Variants in HIBADH observed in about 807,000 individuals in gnomAD.
The protein encoded by HIBADH is 3-hydroxyisobutyrate dehydrogenase, mitochondrial.
In HIBADH, 25 loss-of-function variants were observed where a neutral mutation model predicts 36.1. That is an observed-to-expected ratio of 0.69 (90% CI 0.50 to 0.97). HIBADH has a LOEUF of 0.97. Among genes scored for constraint, HIBADH ranks in the 50% least tolerant of loss-of-function variants. The pLI is 0.00. For missense variants in HIBADH, 421 were observed against 418.0 expected, an observed-to-expected ratio of 1.01 and a Z score of -0.06; for synonymous variants, 160 against 149.5, an observed-to-expected ratio of 1.07 and a Z score of -0.51.
intron 4 of HIBADH, among the ~76,000 whole-genome samples, chr7:27,599,437 C>T (rs1785086654): frequency 6.6e-6 from 1 of 152,008 alleles, no homozygotes; most frequent in South Asian, 2.1e-4. Context: ...AATCCCAGCA[C>T]TTTGGGAGGC....
At chr7:27,566,071 T>C (rs1296887676) in intron 4 of HIBADH, among the ~76,000 whole-genome samples, 1 of 152,118 alleles carries the variant, frequency 6.6e-6, no homozygotes, top group East Asian at 1.9e-4. Flanking sequence ...AATTTCTTAA[T>C]ATGTTGATCA....
chr7:27,580,550 A>ATT (rs1381403501), intron 4 of HIBADH, among the ~76,000 whole-genome samples: 1 of 152,234 alleles, frequency 6.6e-6, no homozygotes, highest in Non-Finnish European at 1.5e-5. Flanking sequence ...CAATTTGATC[A>ATT]TAAAACACAA....
chr7:27,562,300 T>C (rs1417639711), intron 4 of HIBADH, among the ~76,000 whole-genome samples: 3 of 152,216 alleles, frequency 2.0e-5, no homozygotes, highest in African/African-American at 4.8e-5. Context: ...TCTTGATCTA[T>C]CTTTCATAGA....
chr7:27,626,348 T>A (rs149984102), intron 4 of HIBADH, among the ~76,000 whole-genome samples: 1 of 152,294 alleles, frequency 6.6e-6, no homozygotes, highest in East Asian at 1.9e-4. Flanking sequence ...AAGTGATAAC[T>A]ACACAAATAT....
chr7:27,647,491 T>C (rs1786093712), intron 2 of HIBADH, among the ~76,000 whole-genome samples: 1 of 152,254 alleles, frequency 6.6e-6, no homozygotes, highest in African/African-American at 2.4e-5. Flanking sequence ...GGCTTCTTGA[T>C]AGCACTTCTG....
rs890913340 is a variant in HIBADH, at chr7:27,658,826, A to G, written c.91+3872T>C. On this transcript the variant is annotated intron_variant, in intron 1 of 7. Coordinates refer to ENST00000265395, the MANE Select transcript of HIBADH (RefSeq NM_152740.4). ...TTTTATCACATAATACTACGTCATAAGCACTCTATCTGCTTTACTATTAAC... is the reference window on the plus strand; with the variant it reads ...TTTTATCACATAATACTACGTCATAGGCACTCTATCTGCTTTACTATTAAC... Among the ~76,000 whole-genome samples the G allele has an allele frequency of 3.3e-5, 5 of 152,328 alleles. No homozygotes were observed. The East Asian group carries it at 9.6e-4, about 29-fold the overall frequency.
intron 4 of HIBADH, among the ~76,000 whole-genome samples, chr7:27,558,605 G>T (rs765452700): frequency 2.6e-5 from 4 of 152,140 alleles, no homozygotes; most frequent in Non-Finnish European, 5.9e-5. Context: ...GCTGAGGCAA[G>T]AGGATTGCTT....
chr7:27,557,557 CA>C (rs1338204654), intron 4 of HIBADH, among the ~76,000 whole-genome samples: 17 of 152,148 alleles, frequency 1.1e-4, no homozygotes, highest in African/African-American at 4.1e-4. Context: ...AAGATCAAGG[CA>C]CCAACAGGTT....
chr7:27,543,123 G>C (rs565454335), intron 4 of HIBADH, 23 bp from the exon 5 acceptor site: 3 of 1,611,060 alleles, frequency 1.9e-6, no homozygotes, highest in Non-Finnish European at 2.5e-6. Flanking sequence ...GGGGTAAAGG[G>C]ATAGAAGCAA....
chr7:27,643,783 C>G (rs937685881), intron 2 of HIBADH, among the ~76,000 whole-genome samples: 5 of 152,214 alleles, frequency 3.3e-5, no homozygotes, highest in African/African-American at 4.8e-5. Flanking sequence ...AAGGGAGGAT[C>G]TGTCTTTGCC....
At chr7:27,623,065 C>T (rs1468101320) in intron 4 of HIBADH, among the ~76,000 whole-genome samples, 4 of 151,984 alleles carry the variant, frequency 2.6e-5, no homozygotes, top group South Asian at 2.1e-4. Context: ...TAATACAACA[C>T]GATCAAGTGA....
chr7:27,620,217 T>C (rs1176197884), intron 4 of HIBADH, among the ~76,000 whole-genome samples: 7 of 151,726 alleles, frequency 4.6e-5, no homozygotes, highest in East Asian at 3.9e-4. Flanking sequence ...ACTCAGGAGG[T>C]TGGGGTTGGG....
intron 4 of HIBADH, among the ~76,000 whole-genome samples, chr7:27,558,717 AC>A (rs1208546003): frequency 6.6e-6 from 1 of 152,160 alleles, no homozygotes; most frequent in Non-Finnish European, 1.5e-5. Context: ...CAAAAACAAA[AC>A]AAAACACAAG....
chr7:27,542,091 T>C (rs1428385403), intron 5 of HIBADH, among the ~76,000 whole-genome samples: 1 of 152,238 alleles, frequency 6.6e-6, no homozygotes, highest in African/African-American at 2.4e-5. Context: ...GATTTGTGCA[T>C]ATTTATAAAC....
In HIBADH at chr7:27,629,417, T is replaced by C. The variant is rs1188630294; in HGVS notation, c.438A>G (p.Glu146=). The C allele has an allele frequency of 1.9e-6, 3 of 1,612,346 alleles. No individual in the cohort carries two copies. The highest frequency in any genetic ancestry group is 1.3e-5 in the African/African-American group (1 of 74,988). The change falls in exon 4 of 8, where the codon GAA becomes GAG. Residue 146 remains glutamate, a synonymous_variant. Transcript: ENST00000265395. ...DPAVSKELAK[E]VEKMGAVFMD... ...TGAAAACTGCTCCCATTTTCTCAAC[T>C]TCTTTGGCCAATTCTTTTGAAACTG...
intron 4 of HIBADH, among the ~76,000 whole-genome samples, chr7:27,608,473 ATC>A (rs1785269291): frequency 6.6e-6 from 1 of 152,224 alleles, no homozygotes; most frequent in Non-Finnish European, 1.5e-5. Context: ...TATACTTTTC[ATC>A]TGTTAACATT....
At chr7:27,606,733 G>A in intron 4 of HIBADH, among the ~76,000 whole-genome samples, 1 of 152,174 alleles carries the variant, frequency 6.6e-6, no homozygotes, top group Non-Finnish European at 1.5e-5. Flanking sequence ...ACTGATTGTT[G>A]AGTCTCTACT....
At position 27,638,308 on chromosome 7, in the gene HIBADH, C is replaced by CAAAAAAAAAAAAAA. The variant is rs368715218; in HGVS notation, c.253-5877_253-5864dup. Among the ~76,000 whole-genome samples the CAAAAAAAAAAAAAA allele has an allele frequency of 2.9e-3, 160 of 55,454 alleles. 5 individuals carry two copies. The highest frequency in any genetic ancestry group is 4.2e-3 in the Non-Finnish European group (131 of 30,972). 36.4% of individuals were successfully genotyped at this position (55,454 alleles called of 152,430 possible). A position where few individuals can be genotyped will look rare whatever the true frequency, so the allele number is the denominator to read the frequency against. ...ATACCCATCTGATCTTTGGCAAAGT[C>CAAAAAAAAAAAAAA]AAAAAAAAAAAAAAAAAAAAAACAA... On this transcript the variant is annotated intron_variant, in intron 2 of 7. Coordinates refer to ENST00000265395, the MANE Select transcript of HIBADH (RefSeq NM_152740.4).
In HIBADH at chr7:27,628,446, TA is replaced by T. The variant is rs145807241; in HGVS notation, c.484+924del. Among the ~76,000 whole-genome samples, 17 of 152,214 alleles carry T rather than the reference TA, an allele frequency of 1.1e-4. No homozygotes were observed. The East Asian group carries it at 3.3e-3, about 29-fold the overall frequency. On this transcript the variant is annotated intron_variant, in intron 4 of 7. Transcript: ENST00000265395. ...GCTATACTGCTACAAATACATAATA[TA>T]AATGTGTACACAGTAATTCTGATTA...
Sources: gnomAD v4.1 joint callset for allele counts (sites outside exome capture counted in the v4.1 genomes callset) on GRCh38, gnomAD v4.1.1 for gene constraint, MANE v1.5 for transcripts, NCBI Gene and HGNC (gene_info 2026-07-23, HGNC 2026-07-21) for gene names.